The following NT5C1B variants were observed in gnomAD, a reference collection of about 807,000 sequenced individuals.
NT5C1B encodes the protein cytosolic 5'-nucleotidase 1B.
NT5C1B carries 44 observed loss-of-function variants against 57.8 expected under a neutral mutation model. The ratio of observed to expected loss-of-function variants is 0.76; its 90% CI spans 0.60 to 0.98. The LOEUF (loss-of-function observed/expected upper bound fraction) is 0.98. Among genes scored for constraint, NT5C1B ranks in the 50% least tolerant of loss-of-function variants. The pLI, the probability that NT5C1B is intolerant of heterozygous loss-of-function variation, is 0.00. For missense variants in NT5C1B, 742 were observed against 719.5 expected, an observed-to-expected ratio of 1.03 and a Z score of -0.36; for synonymous variants, 284 against 282.6, an observed-to-expected ratio of 1.00 and a Z score of -0.05.
chr2:18,586,400 G>T lies in NT5C1B; in HGVS notation c.121-9C>A. 6.2e-7 allele frequency: 1 copy of T among 1,613,762 alleles called. No homozygotes were observed. Among genetic ancestry groups the T allele is most frequent in the Non-Finnish European group, 8.5e-7 (1 of 1,179,880 alleles). On this transcript the variant is annotated splice_polypyrimidine_tract_variant and intron_variant, in intron 2 of 8. Transcript: ENST00000304081. ...GATGATTCTTGTGATCCCTGTGATGGAAAGAAGAAACCCAACGGTGTAAAA... is the reference window on the plus strand; with the variant it reads ...GATGATTCTTGTGATCCCTGTGATGTAAAGAAGAAACCCAACGGTGTAAAA...
At chr2:18,583,539 A>G (rs1666372028) in intron 5 of NT5C1B, 2 of 287,262 alleles carry the variant, frequency 7.0e-6, no homozygotes, top group South Asian at 7.3e-5. Flanking sequence ...AACAACTTGT[A>G]GAGGTGTCAT....
At chr2:18,582,900 C>T in exon 6 of NT5C1B, 2 of 1,613,960 alleles carry the variant, frequency 1.2e-6, no homozygotes, top group East Asian at 2.2e-5. Context: ...AAGCCGCACT[C>T]CCACTTGGGC....
chr2:18,576,940 C>T (rs777168974), intron 6 of NT5C1B, 45 bp from the exon 7 acceptor site: 1 of 1,607,706 alleles, frequency 6.2e-7, no homozygotes, highest in Non-Finnish European at 8.5e-7. Flanking sequence ...AGATTAAAGA[C>T]AAAATGCCGT....
chr2:18,585,032 C>T (rs1666572135), intron 3 of NT5C1B, 54 bp from the exon 4 acceptor site: 2 of 1,586,798 alleles, frequency 1.3e-6, no homozygotes, highest in East Asian at 2.2e-5. Context: ...CATCTCCGGT[C>T]AAGGATCTGT....
intron 8 of NT5C1B, among the ~76,000 whole-genome samples, chr2:18,568,089 C>CACACACAT (rs1558368092): frequency 8.3e-6 from 1 of 120,192 alleles, no homozygotes; most frequent in African/African-American, 3.4e-5. Flanking sequence ...TGCTGTGGGA[C>CACACACAT]ACACACACAC....
chr2:18,586,014 C>T (rs953450732), intron 3 of NT5C1B, among the ~76,000 whole-genome samples: 8 of 151,940 alleles, frequency 5.3e-5, no homozygotes, highest in African/African-American at 1.9e-4. Flanking sequence ...ATCTGGAGCC[C>T]CTGGGTTTTA....
At chr2:18,578,888 G>A (rs1665937033) in intron 6 of NT5C1B, among the ~76,000 whole-genome samples, 1 of 152,194 alleles carries the variant, frequency 6.6e-6, no homozygotes, top group South Asian at 2.1e-4. Context: ...TTTTCACCTA[G>A]AAAATGCCAT....
Position 18,586,343 on chromosome 2 carries a change from C to T in NT5C1B, c.169G>A (p.Val57Met), listed in dbSNP as rs200122449. Residue 57 changes from valine (V) to methionine (M), a missense_variant, in exon 3 of 9, where the codon GTG becomes ATG. By Grantham distance (21) the Val-to-Met change is conservative. Coordinates refer to ENST00000304081, the Ensembl canonical transcript of NT5C1B. ...GATATTCTAGACCATTGACTGCGCA[C>T]AAGGTACCCTCGAGAGTCTGTCTTC... 8 of 1,614,158 alleles carry T rather than the reference C, an allele frequency of 5.0e-6. No homozygotes were observed. The East Asian group carries it at 1.8e-4, about 36-fold the overall frequency.
intron 8 of NT5C1B, among the ~76,000 whole-genome samples, chr2:18,569,514 C>G (rs569571774): frequency 1.3e-5 from 2 of 151,772 alleles, no homozygotes; most frequent in Non-Finnish European, 2.9e-5. Flanking sequence ...AATATAAACA[C>G]AATTTAAATA....
intron 6 of NT5C1B, among the ~76,000 whole-genome samples, chr2:18,577,635 G>A (rs922468689): frequency 3.5e-4 from 53 of 151,278 alleles, no homozygotes; most frequent in African/African-American, 9.0e-4. Flanking sequence ...TTTATAGCAC[G>A]AAACACCTTC....
At chr2:18,581,278 G>T (rs1204242704) in intron 6 of NT5C1B, among the ~76,000 whole-genome samples, 1 of 152,044 alleles carries the variant, frequency 6.6e-6, no homozygotes, top group Non-Finnish European at 1.5e-5. Flanking sequence ...TTTGACCTAA[G>T]ATTCCTTTTT....
At chr2:18,563,838 A>T in exon 9 of NT5C1B, 2 of 1,604,640 alleles carry the variant, frequency 1.2e-6, no homozygotes, top group Non-Finnish European at 1.7e-6. Flanking sequence ...CTGCGATGGA[A>T]CCTAACCTCT....
chr2:18,570,470 C>A (rs1236009717), intron 8 of NT5C1B, among the ~76,000 whole-genome samples: 1 of 151,898 alleles, frequency 6.6e-6, no homozygotes, highest in Non-Finnish European at 1.5e-5. Context: ...AGTTTATGTC[C>A]ATAAATTCAG....
At chr2:18,565,732 A>AAT (rs955745951) in intron 8 of NT5C1B, among the ~76,000 whole-genome samples, 1 of 152,116 alleles carries the variant, frequency 6.6e-6, no homozygotes, top group Non-Finnish European at 1.5e-5. Context: ...TTAATCATTT[A>AAT]ATATATATAA....
chr2:18,586,793 TGGTGCCCCACTGA>T (rs376369534), intron 2 of NT5C1B: 29 of 881,734 alleles, frequency 3.3e-5, no homozygotes, highest in Middle Eastern at 4.6e-4. Flanking sequence ...TGAGGGCAAC[TGGTGCCCCACTGA>T]GGTTGCAGGG....
intron 6 of NT5C1B, 83 bp from the exon 7 acceptor site, chr2:18,576,978 T>C (rs1665742799): frequency 1.3e-6 from 2 of 1,582,574 alleles, no homozygotes; most frequent in African/African-American, 1.4e-5. Flanking sequence ...ACCTTAGAGA[T>C]AACTGAGTTT....
In NT5C1B at chr2:18,584,602, C is replaced by T; in HGVS notation, c.635G>A (p.Arg212Gln). The T allele has an allele frequency of 6.2e-7, 1 of 1,611,900 alleles. No individual in the cohort carries two copies. ...AGCCTCGTAGTCGTCCTCGTCCTCCCGCTGCTGCTGCTGCTGCTCGGACAG... is the reference window on the plus strand; with the variant it reads ...AGCCTCGTAGTCGTCCTCGTCCTCCTGCTGCTGCTGCTGCTGCTCGGACAG... The change falls in exon 4 of 9, where the codon CGG becomes CAG. Residue 212 changes from arginine to glutamine, a missense_variant. By Grantham distance (43) the Arg-to-Gln change is conservative. Transcript: ENST00000304081. This position sits in a 1 kb window ranked among gnomAD's most constrained non-coding sequence, Gnocchi z 5.8.
intron 8 of NT5C1B, among the ~76,000 whole-genome samples, chr2:18,568,064 A>G (rs1664805678): frequency 6.7e-6 from 1 of 150,184 alleles, no homozygotes; most frequent in Non-Finnish European, 1.5e-5. Flanking sequence ...GGGAAAAAAG[A>G]GCAGAGCATT....
chr2:18,568,207 AC>A (rs1334737438), intron 8 of NT5C1B, among the ~76,000 whole-genome samples: 2 of 152,174 alleles, frequency 1.3e-5, no homozygotes, highest in Non-Finnish European at 2.9e-5. Flanking sequence ...CATACTAAGG[AC>A]CAAAGATACA....
Sources: gnomAD v4.1 joint callset for allele counts (sites outside exome capture counted in the v4.1 genomes callset) on GRCh38, gnomAD v4.1.1 for gene constraint, Gnocchi (gnomAD v3.1) non-coding constraint, MANE v1.5 for transcripts, NCBI Gene and HGNC (gene_info 2026-07-23, HGNC 2026-07-21) for gene names.